The following LRRC9 variants were observed in gnomAD, a reference collection of about 807,000 sequenced individuals.
LRRC9 encodes leucine rich repeat containing 9.
In LRRC9, 122 loss-of-function variants were observed where a neutral mutation model predicts 63.2. The ratio of observed to expected loss-of-function variants is 1.93; its 90% confidence interval spans 1.67 to 2.24. The LOEUF (loss-of-function observed/expected upper bound fraction) is 2.24. Among genes scored for constraint, LRRC9 ranks in the 30% most tolerant of loss-of-function variants. LRRC9 has a pLI of 0.00. For synonymous variants in LRRC9, 366 were observed against 213.1 expected (o/e 1.72, Z -6.25); for missense variants, 1,071 against 627.7 (o/e 1.71, Z -7.55).
In LRRC9 at chr14:60,053,236, T is replaced by C. The variant is rs1287430265; in HGVS notation, c.4131+31T>C. 4.4e-6 allele frequency: 3 copies of C among 685,462 alleles called. No individual in the cohort carries two copies. Among genetic ancestry groups the C allele is most frequent in the Non-Finnish European group, 8.0e-6 (3 of 376,480 alleles). 42.5% of individuals were successfully genotyped at this position (685,462 alleles called of 1,614,324 possible). ...AATTATATTATTTACAATTTTCCTT[T>C]TGAAGCACATTAATGGTTAGTAAAT... is the stretch of plus-strand genomic sequence containing the variant. On this transcript the variant is annotated intron_variant, in intron 30 of 31. Coordinates refer to ENST00000445360, the Ensembl canonical transcript of LRRC9. The surrounding 1 kb of genome is among the most constrained non-coding windows in gnomAD (Gnocchi z 4.8).
At chr14:60,022,754 A>G (rs1295432260) in exon 27 of LRRC9, 3 of 659,228 alleles carry the variant, frequency 4.6e-6, no homozygotes. Context: ...AGCAGTGAAA[A>G]TTTGCCTCCA....
At chr14:59,978,329 G>A (rs1886543364) in intron 15 of LRRC9, among the ~76,000 whole-genome samples, 197 bp downstream of exon 15, 1 of 152,062 alleles carries the variant, frequency 6.6e-6, no homozygotes, top group Admixed American at 6.6e-5. Flanking sequence ...TTAATATATG[G>A]CTGTACTCCC....
At chr14:59,925,969 C>T (rs1889176086) in intron 1 of LRRC9, among the ~76,000 whole-genome samples, 1 of 152,180 alleles carries the variant, frequency 6.6e-6, no homozygotes, top group African/African-American at 2.4e-5. Flanking sequence ...GATGATTCTA[C>T]AAGGGGCTTC....
rs1249190179 is a variant in LRRC9, at chr14:59,938,902, TAC to T, written c.726+332_726+333del. Among the ~76,000 whole-genome samples the T allele has an allele frequency of 1.7e-5, 2 of 117,896 alleles. No individual in the cohort carries two copies. The highest frequency in any genetic ancestry group is 3.4e-5 in the Non-Finnish European group (2 of 58,224). The allele number at this position is 117,896 out of a possible 152,430, so 77.3% of individuals were successfully genotyped here. A position where few individuals can be genotyped will look rare whatever the true frequency, so the allele number is the denominator to read the frequency against. ...ATACACACATATATACACATATATA[TAC>T]ATATATACACATATGCATATATATA... On this transcript the variant is annotated intron_variant, in intron 7 of 31. Transcript: ENST00000445360. The surrounding 1 kb of genome is among the most constrained non-coding windows in gnomAD (Gnocchi z 4.2).
rs1894788151 is a variant in LRRC9, at chr14:60,063,480, A to G, written c.*72A>G. ...AAAAGATAATCATGTTACTTAAGTT[A>G]CTGAAGCACTTCAGTTCCATATGAA... is the stretch of plus-strand genomic sequence containing the variant. On this transcript the variant is annotated 3_prime_UTR_variant, in exon 32 of 32. Transcript: ENST00000445360. 6.1e-6 allele frequency: 4 copies of G among 651,344 alleles called. 1 individual carries two copies. The South Asian group carries it at 6.9e-5, about 11-fold the overall frequency. The allele number at this position is 651,344 out of a possible 1,614,324, so 40.3% of individuals were successfully genotyped here.
intron 17 of LRRC9, among the ~76,000 whole-genome samples, chr14:59,992,720 CAAAT>C (rs1379045372): frequency 6.6e-6 from 1 of 151,958 alleles, no homozygotes; most frequent in Non-Finnish European, 1.5e-5. Context: ...GATGGAAAAT[CAAAT>C]GAATGAAATG....
intron 8 of LRRC9, among the ~76,000 whole-genome samples, chr14:59,951,473 C>T (rs1027723824): frequency 3.0e-5 from 4 of 134,784 alleles, no homozygotes; most frequent in South Asian, 2.6e-4. Flanking sequence ...GTAATTTGAT[C>T]GTCTGAAGCC....
chr14:60,052,964 T>A (rs1894002642), intron 29 of LRRC9, 101 bp from the exon 30 acceptor site: 1 of 555,578 alleles, frequency 1.8e-6, no homozygotes, highest in Non-Finnish European at 3.2e-6. Flanking sequence ...TAGCTATTAT[T>A]TGTCCTCTTT....
intron 30 of LRRC9, among the ~76,000 whole-genome samples, chr14:60,056,852 T>C (rs1894319562): frequency 6.6e-6 from 1 of 152,208 alleles, no homozygotes; most frequent in African/African-American, 2.4e-5. Flanking sequence ...TGTCTTTGTC[T>C]TAGTTGCTAC....
rs1414352489 is a variant in LRRC9, at chr14:60,004,480, A to G, written c.2842+682A>G. ...TAATATCTTAATAATAATGATACCAATATAATATATTTTATTTGACTGTTT... is the reference window on the plus strand; with the variant it reads ...TAATATCTTAATAATAATGATACCAGTATAATATATTTTATTTGACTGTTT... On this transcript the variant is annotated intron_variant, in intron 21 of 31. Coordinates refer to ENST00000445360, the Ensembl canonical transcript of LRRC9. This position sits in a 1 kb window ranked among gnomAD's most constrained non-coding sequence, Gnocchi z 4.8. Among the ~76,000 whole-genome samples, 1 of 152,012 alleles carries G rather than the reference A, an allele frequency of 6.6e-6. No individual in the cohort carries two copies. Among genetic ancestry groups the G allele is most frequent in the Non-Finnish European group, 1.5e-5 (1 of 67,918 alleles).
intron 29 of LRRC9, among the ~76,000 whole-genome samples, chr14:60,037,536 A>ATG (rs1394885552): frequency 2.0e-5 from 3 of 151,984 alleles, no homozygotes; most frequent in African/African-American, 7.3e-5. Context: ...GCATTTTTTC[A>ATG]TGTGTCTGTT....
Position 60,060,469 on chromosome 14 carries a change from G to A in LRRC9, c.4276+2447G>A, listed in dbSNP as rs987301463. On this transcript the variant is annotated intron_variant, in intron 31 of 31. Transcript: ENST00000445360. The surrounding 1 kb of genome is among the most constrained non-coding windows in gnomAD (Gnocchi z 4.0). Reference sequence around the variant, plus strand: ...TAGACAGTGATTCCTAACCGGGCGCGATGGCTCACGCTTGTAATCCCAGCA... The same window carrying A: ...TAGACAGTGATTCCTAACCGGGCGCAATGGCTCACGCTTGTAATCCCAGCA... 6.6e-6 allele frequency among the ~76,000 whole-genome samples: 1 copy of A among 152,140 alleles called. No individual in the cohort carries two copies. Among genetic ancestry groups the A allele is most frequent in the Admixed American group, 6.6e-5 (1 of 15,264 alleles).
chr14:59,986,634 G>A lies in LRRC9; in HGVS notation c.2211+1410G>A, dbSNP rs1887502237. 6.6e-6 allele frequency among the ~76,000 whole-genome samples: 1 copy of A among 152,014 alleles called. No individual in the cohort carries two copies. The highest frequency in any genetic ancestry group is 2.1e-4 in the South Asian group (1 of 4,816). On this transcript the variant is annotated intron_variant, in intron 17 of 31. Transcript: ENST00000445360. This position sits in a 1 kb window ranked among gnomAD's most constrained non-coding sequence, Gnocchi z 4.7. ...TATTTGCCAGCACTTCCAAAATTACGACAGTCATTATAATTTTGCTTAGGC... is the reference window on the plus strand; with the variant it reads ...TATTTGCCAGCACTTCCAAAATTACAACAGTCATTATAATTTTGCTTAGGC...
intron 31 of LRRC9, chr14:60,062,019 A>ATGT (rs1894687280): frequency 2.5e-6 from 1 of 398,694 alleles, no homozygotes; most frequent in Non-Finnish European, 4.4e-6. Context: ...AGACAAAAAA[A>ATGT]ACAAGAATGC....
chr14:60,025,695 G>C (rs991395149), intron 27 of LRRC9, among the ~76,000 whole-genome samples: 3 of 145,746 alleles, frequency 2.1e-5, no homozygotes, highest in Non-Finnish European at 4.5e-5. Flanking sequence ...AAAAAAAAAA[G>C]AAAGTGACAT....
chr14:59,975,394 A>G (rs890395796), intron 13 of LRRC9, among the ~76,000 whole-genome samples: 13 of 151,838 alleles, frequency 8.6e-5, no homozygotes, highest in Non-Finnish European at 1.8e-4. Flanking sequence ...TGTCTTATAT[A>G]AGATAATTTT....
intron 8 of LRRC9, among the ~76,000 whole-genome samples, chr14:59,951,747 A>C (rs1402413102): frequency 1.3e-5 from 2 of 151,534 alleles, no homozygotes; most frequent in Non-Finnish European, 2.9e-5. Flanking sequence ...GTCTGTTGGA[A>C]TACCCTGCTG....
intron 13 of LRRC9, 140 bp from the exon 14 acceptor site, chr14:59,977,085 T>C (rs1389930848): frequency 9.1e-6 from 5 of 550,532 alleles, no homozygotes; most frequent in African/African-American, 7.6e-5. Context: ...TGTTATGCGC[T>C]GTACAGTAGC....
rs1010965109 is a variant in LRRC9 at position 60,016,657 on chromosome 14, T to G, written c.3187-3T>G. 4.3e-6 allele frequency: 3 copies of G among 693,522 alleles called. No individual in the cohort carries two copies. The highest frequency in any genetic ancestry group is 7.9e-6 in the Non-Finnish European group (3 of 377,842). 43.0% of individuals were successfully genotyped at this position (693,522 alleles called of 1,614,324 possible). ...ACATCATTTTCTAAATATCTTCATA[T>G]AGGAACCATCAGAGACTGACAGTGC... is the stretch of plus-strand genomic sequence containing the variant. On this transcript the variant is annotated splice_polypyrimidine_tract_variant and splice_region_variant and intron_variant, in intron 23 of 31. Transcript: ENST00000445360.
Sources: gnomAD v4.1 joint callset for allele counts (sites outside exome capture counted in the v4.1 genomes callset) on GRCh38, gnomAD v4.1.1 for gene constraint, Gnocchi (gnomAD v3.1) non-coding constraint, MANE v1.5 for transcripts, NCBI Gene and HGNC (gene_info 2026-07-23, HGNC 2026-07-21) for gene names.